Variants in KCNAB2 observed in about 807,000 individuals in gnomAD.
The protein encoded by KCNAB2 is voltage-gated potassium channel subunit beta-2.
A neutral mutation model predicts 63.6 loss-of-function variants in KCNAB2; 29 were observed. The ratio of observed to expected loss-of-function variants is 0.46; its 90% CI spans 0.34 to 0.62. The LOEUF (loss-of-function observed/expected upper bound fraction) is 0.62. KCNAB2 is among the 20% of genes least tolerant of loss of function. The pLI, the probability that KCNAB2 is intolerant of heterozygous loss-of-function variation, is 0.01. For synonymous variants in KCNAB2, 222 were observed against 224.2 expected, an observed-to-expected ratio of 0.99 and a Z score of 0.09; for missense variants, 359 against 563.9, an observed-to-expected ratio of 0.64 and a Z score of 3.68.
intron 1 of KCNAB2, among the ~76,000 whole-genome samples, chr1:5,998,088 A>G (rs911006048): frequency 6.6e-6 from 1 of 152,242 alleles, no homozygotes; most frequent in Middle Eastern, 3.2e-3. Flanking sequence ...AGGCAGAGCT[A>G]GGAAAGGATG....
chr1:6,022,359 G>C (rs1464852311), intron 1 of KCNAB2, among the ~76,000 whole-genome samples: 1 of 151,682 alleles, frequency 6.6e-6, no homozygotes, highest in Non-Finnish European at 1.5e-5. Flanking sequence ...GTACAGTTCG[G>C]TGGTATTAAG....
chr1:6,047,552 T>C (rs146113554), intron 1 of KCNAB2, among the ~76,000 whole-genome samples: 162 of 152,300 alleles, frequency 1.1e-3, no homozygotes, highest in Middle Eastern at 3.4e-3. Flanking sequence ...TGCAAAGAGC[T>C]GCTGGGTCTG....
Position 6,096,472 on chromosome 1 carries a change from A to G in KCNAB2, c.949-164A>G. On this transcript the variant is annotated intron_variant, in intron 13 of 15. Coordinates refer to ENST00000378083, the MANE Select transcript of KCNAB2 (RefSeq NM_001199862.2). The surrounding 1 kb of genome is among the most constrained non-coding windows in gnomAD (Gnocchi z 5.9). ...CCCGGCCCACTGCCCACTCTCCCCTACTTGAGAGGCCTGGGGCAGGGGCAC... is the reference window on the plus strand; with the variant it reads ...CCCGGCCCACTGCCCACTCTCCCCTGCTTGAGAGGCCTGGGGCAGGGGCAC... 3 of 936,802 alleles carry G rather than the reference A, an allele frequency of 3.2e-6. No individual in the cohort carries two copies. The highest frequency in any genetic ancestry group is 4.7e-6 in the Non-Finnish European group (3 of 636,606). 58.0% of individuals were successfully genotyped at this position (936,802 alleles called of 1,614,324 possible).
upstream of KCNAB2, among the ~76,000 whole-genome samples, chr1:6,031,279 G>A (rs1659607996): frequency 1.3e-5 from 2 of 152,178 alleles, no homozygotes; most frequent in African/African-American, 4.8e-5. This position sits in a 1 kb window ranked among gnomAD's most constrained non-coding sequence, Gnocchi z 4.1. Context: ...CAGCTCAGGT[G>A]GCTCCGACAG....
intron 2 of KCNAB2, among the ~76,000 whole-genome samples, chr1:6,061,732 T>A (rs960348692): frequency 6.6e-6 from 1 of 152,236 alleles, no homozygotes; most frequent in Non-Finnish European, 1.5e-5. Flanking sequence ...GAATATAATG[T>A]GCATAATGCA....
At chr1:5,996,780 C>T (rs1057421919) in intron 1 of KCNAB2, among the ~76,000 whole-genome samples, 1 of 152,228 alleles carries the variant, frequency 6.6e-6, no homozygotes, top group African/African-American at 2.4e-5. Flanking sequence ...TGATCTTGAG[C>T]CCTGACTGCC....
At position 6,096,227 on chromosome 1, in the gene KCNAB2, C is replaced by A; in HGVS notation, c.949-409C>A. The stretch of plus-strand genomic sequence containing the variant: ...AAGGTCAGGGCCCCCCTCCAGGAGG[C>A]CCTGCAATCCTCTGGGGGGGATGGC... On this transcript the variant is annotated intron_variant, in intron 13 of 15. Transcript: ENST00000378083. This position sits in a 1 kb window ranked among gnomAD's most constrained non-coding sequence, Gnocchi z 5.9. 1 of 449,986 alleles carries A rather than the reference C, an allele frequency of 2.2e-6. No individual in the cohort carries two copies. 27.9% of individuals were successfully genotyped at this position (449,986 alleles called of 1,614,324 possible).
At chr1:5,998,504 G>A (rs1372994766) in intron 1 of KCNAB2, among the ~76,000 whole-genome samples, 1 of 152,156 alleles carries the variant, frequency 6.6e-6, no homozygotes, top group Non-Finnish European at 1.5e-5. Context: ...CCTACCTACT[G>A]GTCACAGCCC....
intron 1 of KCNAB2, among the ~76,000 whole-genome samples, chr1:6,010,791 C>T (rs574594928): frequency 1.3e-5 from 2 of 152,248 alleles, no homozygotes; most frequent in African/African-American, 4.8e-5. Flanking sequence ...GGTAGTGGCC[C>T]GGGAGCTGGG....
At chr1:6,026,791 G>A (rs971749798) in intron 1 of KCNAB2, among the ~76,000 whole-genome samples, 1 of 152,242 alleles carries the variant, frequency 6.6e-6, no homozygotes, top group African/African-American at 2.4e-5. Flanking sequence ...GCCGGAAGAT[G>A]GAGAGCCATG....
chr1:6,057,110 C>T (rs934327342), intron 2 of KCNAB2, among the ~76,000 whole-genome samples: 7 of 150,522 alleles, frequency 4.7e-5, no homozygotes, highest in Non-Finnish European at 8.9e-5. Context: ...GTTCGGGCTG[C>T]ATCCTAGATG....
chr1:6,032,684 C>T (rs888947581), upstream of KCNAB2, among the ~76,000 whole-genome samples: 1 of 152,148 alleles, frequency 6.6e-6, no homozygotes, highest in African/African-American at 2.4e-5. Context: ...TATGCCCTGG[C>T]AGACACCACC....
At chr1:6,016,273 T>G (rs1370507888) in intron 1 of KCNAB2, among the ~76,000 whole-genome samples, 1 of 151,840 alleles carries the variant, frequency 6.6e-6, no homozygotes, top group African/African-American at 2.4e-5. Context: ...CTCCAACATC[T>G]CCGAGTGAGG....
chr1:6,035,773 T>G lies in KCNAB2; in HGVS notation c.-53+979T>G, dbSNP rs1570916354. 2 of 150,878 alleles carry G rather than the reference T, an allele frequency of 1.3e-5. No individual in the cohort carries two copies. The highest frequency in any genetic ancestry group is 6.6e-5 in the Admixed American group (1 of 15,138). 9.3% of individuals were successfully genotyped at this position (150,878 alleles called of 1,614,324 possible). A position where few individuals can be genotyped will look rare whatever the true frequency, so the allele number is the denominator to read the frequency against. On this transcript the variant is annotated intron_variant, in intron 1 of 15. Transcript: ENST00000164247. This position sits in a 1 kb window ranked among gnomAD's most constrained non-coding sequence, Gnocchi z 5.0. ...CAGGGGAGTGGTAGAGGGGGTGGGG[T>G]CTGCAGCATGGGGACGGGGTTCAGA... is the stretch of plus-strand genomic sequence containing the variant.
intron 4 of KCNAB2, among the ~76,000 whole-genome samples, chr1:6,080,079 A>T (rs1664063605): frequency 6.6e-6 from 1 of 152,240 alleles, no homozygotes; most frequent in South Asian, 2.1e-4. Flanking sequence ...TGTCTGAAAT[A>T]TAAAAACAGA....
chr1:6,098,206 T>G (rs1665810450), intron 15 of KCNAB2: 4 of 1,175,190 alleles, frequency 3.4e-6, no homozygotes, highest in Non-Finnish European at 4.2e-6. Flanking sequence ...GCCTGGAGTT[T>G]CCATTTTATG....
intron 10 of KCNAB2, among the ~76,000 whole-genome samples, chr1:6,093,988 G>A (rs1445364379): frequency 1.3e-5 from 2 of 152,134 alleles, no homozygotes; most frequent in South Asian, 2.1e-4. Flanking sequence ...TGACTGTAAC[G>A]TTCATGCATT....
chr1:6,005,798 G>A lies in KCNAB2; in HGVS notation c.-53+13010G>A, dbSNP rs114497191. On this transcript the variant is annotated intron_variant, in intron 1 of 16. Transcript: ENST00000341524. ...GGTCTCCCTGCCCAGGATGCCGGCC[G>A]GAGTTTCCCCTGGCAGGGACCACGG... Among the ~76,000 whole-genome samples, 373 of 151,962 alleles carry A rather than the reference G, an allele frequency of 2.5e-3. 2 individuals are homozygous for A. The highest frequency in any genetic ancestry group is 8.6e-3 in the African/African-American group (355 of 41,410).
Position 6,024,702 on chromosome 1 carries a change from C to T in KCNAB2, c.-52-15815C>T, listed in dbSNP as rs1447461899. Among the ~76,000 whole-genome samples the T allele has an allele frequency of 6.6e-6, 1 of 152,276 alleles. No individual in the cohort carries two copies. The highest frequency in any genetic ancestry group is 3.4e-3 in the Middle Eastern group (1 of 294). On this transcript the variant is annotated intron_variant, in intron 1 of 16. Coordinates refer to the KCNAB2 transcript ENST00000341524. This position sits in a 1 kb window ranked among gnomAD's most constrained non-coding sequence, Gnocchi z 5.4. ...ACCCACAGAGTCAGGGCAACATCTC[C>T]GTGCTGGGGGCCAAGAGGATAACGG...
Sources: allele counts gnomAD v4.1 joint callset (sites outside exome capture counted in the v4.1 genomes callset), GRCh38; gene constraint gnomAD v4.1.1; non-coding constraint Gnocchi (gnomAD v3.1); transcripts MANE v1.5; gene names NCBI Gene and HGNC (gene_info 2026-07-23, HGNC 2026-07-21).